SEZ6L: variants seen among roughly 807,000 people sequenced by gnomAD.
SEZ6L encodes the protein seizure 6-like protein.
In SEZ6L, 37 loss-of-function variants were observed where a neutral mutation model predicts 106.2. That is an observed-to-expected ratio of 0.35 (90% CI 0.27 to 0.46). The LOEUF (loss-of-function observed/expected upper bound fraction) is 0.46, where lower values mean the gene tolerates loss of function less well. Among genes scored for constraint, SEZ6L ranks in the 20% least tolerant of loss-of-function variants. The pLI is 1.00. For missense variants in SEZ6L, 1,172 were observed against 1,332.8 expected (o/e 0.88, Z 1.88); for synonymous variants, 541 against 570.4 (o/e 0.95, Z 0.73).
chr22:26,327,169 G>A (rs2082331665), intron 9 of SEZ6L, among the ~76,000 whole-genome samples: 2 of 152,064 alleles, frequency 1.3e-5, no homozygotes, highest in Admixed American at 1.3e-4. Context: ...CCGGCCCACC[G>A]CCCTCTGCAC....
intron 9 of SEZ6L, among the ~76,000 whole-genome samples, chr22:26,330,648 G>C (rs1448008303): frequency 6.6e-6 from 1 of 152,142 alleles, no homozygotes; most frequent in East Asian, 1.9e-4. Context: ...TTCCTGGGAG[G>C]TCAGGCTGAG....
intron 1 of SEZ6L, among the ~76,000 whole-genome samples, chr22:26,227,958 C>T (rs564525210): frequency 1.4e-4 from 21 of 152,302 alleles, no homozygotes; most frequent in South Asian, 4.2e-4. Flanking sequence ...ACACAAGCCC[C>T]GCGAGAGTGG....
chr22:26,305,132 C>T (rs1457962602), intron 5 of SEZ6L, among the ~76,000 whole-genome samples: 1 of 152,162 alleles, frequency 6.6e-6, no homozygotes, highest in Non-Finnish European at 1.5e-5. Context: ...GGGACCACTG[C>T]CATATATACA....
chr22:26,361,624 T>A (rs1422400594), intron 12 of SEZ6L, among the ~76,000 whole-genome samples: 1 of 152,042 alleles, frequency 6.6e-6, no homozygotes, highest in Non-Finnish European at 1.5e-5. Context: ...TATTGGGTGC[T>A]CACTATATGC....
rs1289551999 is a variant in SEZ6L, at chr22:26,377,598, A to C, written c.2943-75A>C. On this transcript the variant is annotated intron_variant, in intron 15 of 16. Transcript: ENST00000248933. ...GTGCCGCTGCTCAGGAAGTGGCACC[A>C]ACTGTTCCCGTTCAATATTGTAATG... The C allele has an allele frequency of 7.3e-6, 9 of 1,230,974 alleles. No individual in the cohort carries two copies. In the African/African-American group the frequency reaches 1.2e-4, roughly 16 times the overall value. The allele number at this position is 1,230,974 out of a possible 1,614,324, so 76.3% of individuals were successfully genotyped here.
chr22:26,323,530 G>A (rs2082215718), intron 9 of SEZ6L, among the ~76,000 whole-genome samples: 1 of 152,170 alleles, frequency 6.6e-6, no homozygotes, highest in Non-Finnish European at 1.5e-5. Context: ...CTACTTGAGA[G>A]GCTGAGGTGG....
intron 6 of SEZ6L, among the ~76,000 whole-genome samples, chr22:26,307,372 C>A (rs976070181): frequency 3.9e-5 from 6 of 151,970 alleles, no homozygotes; most frequent in African/African-American, 4.8e-5. Flanking sequence ...AGAATGCCCC[C>A]ACCTTAGAAT....
At chr22:26,248,221 C>T (rs2079433044) in intron 1 of SEZ6L, among the ~76,000 whole-genome samples, 1 of 152,220 alleles carries the variant, frequency 6.6e-6, no homozygotes, top group African/African-American at 2.4e-5. Context: ...CATCATTGTA[C>T]TACCTCCTTA....
At position 26,314,522 on chromosome 22, in the gene SEZ6L, T is replaced by G. The variant is rs149905841; in HGVS notation, c.2015+620T>G. Among the ~76,000 whole-genome samples the G allele has an allele frequency of 8.2e-3, 1,243 of 152,346 alleles. 9 individuals carry two copies. The highest frequency in any genetic ancestry group is 0.013 in the Non-Finnish European group (892 of 68,028). On this transcript the variant is annotated intron_variant, in intron 9 of 16. Transcript: ENST00000248933. ...GAAGGTCCTCTCCTCTGGGGCTGGG[T>G]CTGACTACCCTCTGTTTCCACAGTC... is the stretch of plus-strand genomic sequence containing the variant.
At chr22:26,321,250 T>G (rs1166969746) in intron 9 of SEZ6L, among the ~76,000 whole-genome samples, 2 of 151,888 alleles carry the variant, frequency 1.3e-5, no homozygotes, top group African/African-American at 4.8e-5. Flanking sequence ...GGTGGGAGAG[T>G]GCCTGTGATC....
At position 26,292,609 on chromosome 22, in the gene SEZ6L, T is replaced by A; in HGVS notation, c.298T>A (p.Ser100Thr). ...TGCACATCACGACATCCCAGCCCTG[T>A]CACCGCTGCTTCCAGAGGAGGCCCG... ...PSAHHDIPAL[S>T]PLLPEEARPK... is the part of the protein sequence containing the mutation. Residue 100 changes from serine (S) to threonine (T), a missense_variant, in exon 2 of 17, where the codon TCA becomes ACA. Around this residue, in one of 4 missense-constraint regions of SEZ6L, gnomAD observed 494 missense variants for 445.8 expected, o/e 1.11. Coordinates refer to ENST00000248933, the MANE Select transcript of SEZ6L (RefSeq NM_021115.5). 6.2e-7 allele frequency: 1 copy of A among 1,613,380 alleles called. No homozygotes were observed. The highest frequency in any genetic ancestry group is 8.5e-7 in the Non-Finnish European group (1 of 1,179,768).
intron 12 of SEZ6L, among the ~76,000 whole-genome samples, chr22:26,363,566 C>T (rs1203269823): frequency 6.6e-6 from 1 of 152,112 alleles, no homozygotes; most frequent in Admixed American, 6.6e-5. Context: ...GACAGAGTTC[C>T]AAGGACAGAA....
chr22:26,189,314 GCATCTGAATCAGTCTAAC>G (rs907809500), intron 1 of SEZ6L, among the ~76,000 whole-genome samples: 4 of 152,156 alleles, frequency 2.6e-5, no homozygotes, highest in Non-Finnish European at 4.4e-5. Context: ...GCTGGGATTT[GCATCTGAATCAGTCTAAC>G]TCTTGAGTCA....
intron 5 of SEZ6L, among the ~76,000 whole-genome samples, chr22:26,304,430 A>AAGAAAGAAAGAAAGAAAAAG (rs769423765): frequency 3.4e-5 from 5 of 148,558 alleles, no homozygotes; most frequent in African/African-American, 1.2e-4. Context: ...GAAAGAAAGA[A>AAGAAAGAAAGAAAGAAAAAG]AAAGAAAGGA....
At chr22:26,246,744 T>G (rs887715356) in intron 1 of SEZ6L, among the ~76,000 whole-genome samples, 1 of 152,250 alleles carries the variant, frequency 6.6e-6, no homozygotes, top group African/African-American at 2.4e-5. Context: ...GAAATGTTTA[T>G]TGCATAGAAT....
At position 26,208,850 on chromosome 22, in the gene SEZ6L, CTGTGTGTGTGTGTGTGTGTGTGTGTG is replaced by C. The variant is rs35483380; in HGVS notation, c.94+39117_94+39142del. On this transcript the variant is annotated intron_variant, in intron 1 of 16. Coordinates refer to ENST00000248933, the MANE Select transcript of SEZ6L (RefSeq NM_021115.5). ...TTTTTTCTACTTCTTGACTCTCTCT[CTGTGTGTGTGTGTGTGTGTGTGTGTG>C]TGTGTGTGTGTGTGTGTGTGTGTGT... Among the ~76,000 whole-genome samples, 30 of 111,802 alleles carry C rather than the reference CTGTGTGTGTGTGTGTGTGTGTGTGTG, an allele frequency of 2.7e-4. No homozygotes were observed. The South Asian group carries it at 9.6e-3, about 36-fold the overall frequency. 73.3% of individuals were successfully genotyped at this position (111,802 alleles called of 152,430 possible).
At chr22:26,313,477 T>C (rs995365441) in intron 8 of SEZ6L, among the ~76,000 whole-genome samples, 4 of 152,102 alleles carry the variant, frequency 2.6e-5, no homozygotes, top group African/African-American at 9.7e-5. Flanking sequence ...CTGAGCTCTG[T>C]CCTTGGTCTT....
chr22:26,176,959 C>CA (rs1216395934), intron 1 of SEZ6L, among the ~76,000 whole-genome samples: 2 of 152,208 alleles, frequency 1.3e-5, no homozygotes, highest in Non-Finnish European at 2.9e-5. Context: ...TGCCAATTTA[C>CA]ATAACTCCCT....
intron 5 of SEZ6L, among the ~76,000 whole-genome samples, chr22:26,300,963 T>C (rs1447706265): frequency 6.6e-6 from 1 of 152,252 alleles, no homozygotes; most frequent in Non-Finnish European, 1.5e-5. Context: ...AGCTTTTACA[T>C]TTGGCAAAAT....
Sources: allele counts gnomAD v4.1 joint callset (sites outside exome capture counted in the v4.1 genomes callset), GRCh38; gene constraint gnomAD v4.1.1; regional missense constraint gnomAD v4.1.1; transcripts MANE v1.5; gene names NCBI Gene and HGNC (gene_info 2026-07-23, HGNC 2026-07-21).